The following EIF2AK4 variants were observed in gnomAD, a reference collection of about 807,000 sequenced individuals.
EIF2AK4 encodes the protein eukaryotic translation initiation factor 2 alpha kinase 4, also known as eIF-2-alpha kinase GCN2.
Under a neutral mutation model 211.1 loss-of-function variants are expected in EIF2AK4, and 139 were observed. The observed-to-expected ratio is 0.66, with a 90% CI of 0.57 to 0.76. The LOEUF is 0.76. Among genes scored for constraint, EIF2AK4 ranks in the 30% least tolerant of loss-of-function variants. The pLI is 0.00. For synonymous variants in EIF2AK4, 710 were observed against 751.3 expected, an observed-to-expected ratio of 0.94 and a Z score of 0.90; for missense variants, 1,664 against 2,043.8, an observed-to-expected ratio of 0.81 and a Z score of 3.58.
At chr15:40,020,573 C>T (rs1206655632) in intron 30 of EIF2AK4, 1 of 151,944 alleles carries the variant, frequency 6.6e-6, no homozygotes, top group African/African-American at 2.4e-5. Context: ...GCCTGTAATC[C>T]AGCTACTCTG....
chr15:39,937,740 G>C (rs1381963637), intron 1 of EIF2AK4, among the ~76,000 whole-genome samples: 2 of 150,610 alleles, frequency 1.3e-5, no homozygotes, highest in Admixed American at 1.3e-4. Flanking sequence ...TAAGTTCTTC[G>C]TTCCATCAAA....
chr15:40,007,834 G>C (rs545272994), intron 24 of EIF2AK4, among the ~76,000 whole-genome samples, 193 bp from the exon 25 acceptor site: 1 of 152,140 alleles, frequency 6.6e-6, no homozygotes, highest in South Asian at 2.1e-4. Flanking sequence ...TAGCTTAATA[G>C]TGGCAAAACT....
chr15:40,000,993 A>G lies in EIF2AK4; in HGVS notation c.2928A>G (p.Ser976=), dbSNP rs1216756860. 6.2e-7 allele frequency: 1 copy of G among 1,614,164 alleles called. No homozygotes were observed. The highest frequency in any genetic ancestry group is 1.1e-5 in the South Asian group (1 of 91,084). The change falls in exon 21 of 39, where the codon TCA becomes TCG. Residue 976 remains serine, a synonymous_variant. Coordinates refer to ENST00000263791, the MANE Select transcript of EIF2AK4 (RefSeq NM_001013703.4). ...GTGCCTGGGTTTTATTGTAGAAATC[A>G]GTCATCTCCTGGCTGTTGAACCACG... ...FDDGEHAKQK[S]VISWLLNHDP...
intron 32 of EIF2AK4, among the ~76,000 whole-genome samples, chr15:40,023,149 C>G (rs1487119030): frequency 6.6e-6 from 1 of 152,176 alleles, no homozygotes; most frequent in African/African-American, 2.4e-5. Flanking sequence ...CTTTTCTCCT[C>G]TTGTTCTCTT....
intron 18 of EIF2AK4, 56 bp from the exon 19 acceptor site, chr15:39,996,908 G>C (rs2035025373): frequency 8.1e-7 from 1 of 1,228,428 alleles, no homozygotes; most frequent in Non-Finnish European, 1.2e-6. Context: ...ATAATTCCCT[G>C]GTAAATTATA....
chr15:39,988,047 T>G lies in EIF2AK4; in HGVS notation c.2468T>G (p.Val823Gly), dbSNP rs377342428. 6.2e-6 allele frequency: 10 copies of G among 1,614,162 alleles called. No individual in the cohort carries two copies. The highest frequency in any genetic ancestry group is 7.6e-6 in the Non-Finnish European group (9 of 1,180,006). The change falls in exon 15 of 39, where the codon GTC becomes GGC. Residue 823 changes from valine to glycine, a missense_variant. Coordinates refer to ENST00000263791, the MANE Select transcript of EIF2AK4 (RefSeq NM_001013703.4). Reference protein sequence around the residue: ...TIDQGLYRDTVRLWRLFREIL... With the variant: ...TIDQGLYRDTGRLWRLFREIL... ...GACCAGGGACTGTATCGAGACACCGTCAGACTCTGGAGGCTTTTTCGAGAG... is the reference window on the plus strand; with the variant it reads ...GACCAGGGACTGTATCGAGACACCGGCAGACTCTGGAGGCTTTTTCGAGAG...
chr15:39,941,346 T>A (rs2034141856), intron 2 of EIF2AK4, among the ~76,000 whole-genome samples: 1 of 152,150 alleles, frequency 6.6e-6, no homozygotes, highest in Non-Finnish European at 1.5e-5. Context: ...TGACCAGAGT[T>A]CCCTCATGAG....
Position 39,976,602 on chromosome 15 carries a change from C to T in EIF2AK4, c.2007C>T (p.Pro669=), listed in dbSNP as rs764803773. 3.1e-6 allele frequency: 5 copies of T among 1,609,050 alleles called. No homozygotes were observed. In the South Asian group the frequency reaches 5.5e-5, roughly 18 times the overall value. Residue 669 remains proline, a synonymous_variant, in exon 12 of 39, where the codon CCC becomes CCT. Transcript: ENST00000263791. ...GGCCGGCGGGACCGGGGACGCCGCC[C>T]CCGGACTCCGGGCCCCTGGCCAAGG... is the stretch of plus-strand genomic sequence containing the variant. The part of the protein sequence containing the change: ...HERPAGPGTP[P]PDSGPLAKDD...
chr15:39,996,957 C>G lies in EIF2AK4; in HGVS notation c.2767-7C>G, dbSNP rs200315063. The G allele has an allele frequency of 2.2e-5, 35 of 1,587,720 alleles. No homozygotes were observed. Among genetic ancestry groups the G allele is most frequent in the Non-Finnish European group, 2.9e-5 (33 of 1,156,234 alleles). Reference sequence around the variant, plus strand: ...GCTCTCTAAATGCAATTATTCTTCCCCCTCAGAAAGTGGATCTCTTCAGCC... The same window carrying G: ...GCTCTCTAAATGCAATTATTCTTCCGCCTCAGAAAGTGGATCTCTTCAGCC... On this transcript the variant is annotated splice_region_variant and splice_polypyrimidine_tract_variant and intron_variant, in intron 18 of 38. Transcript: ENST00000263791.
At chr15:39,947,147 A>C (rs2034240160) in intron 3 of EIF2AK4, among the ~76,000 whole-genome samples, 1 of 152,190 alleles carries the variant, frequency 6.6e-6, no homozygotes. Context: ...GCACTGTGCA[A>C]ATCACTCTTC....
At chr15:39,964,526 A>G (rs1446991706) in intron 7 of EIF2AK4, among the ~76,000 whole-genome samples, 1 of 152,132 alleles carries the variant, frequency 6.6e-6, no homozygotes, top group African/African-American at 2.4e-5. Flanking sequence ...CCTACAGTGC[A>G]CAAAACAGCT....
intron 2 of EIF2AK4, among the ~76,000 whole-genome samples, chr15:39,940,707 A>G (rs1595539927): frequency 1.3e-5 from 2 of 152,182 alleles, no homozygotes; most frequent in South Asian, 4.1e-4. Context: ...TCCTGACACC[A>G]AATACATGAT....
At position 39,967,750 on chromosome 15, in the gene EIF2AK4, C is replaced by T. The variant is rs750136639; in HGVS notation, c.1424C>T (p.Thr475Met). 35 of 1,614,012 alleles carry T rather than the reference C, an allele frequency of 2.2e-5. No individual in the cohort carries two copies. The highest frequency in any genetic ancestry group is 2.0e-4 in the Admixed American group (12 of 59,994). ...AGTGACAATGCTCTGCCTTATAAAA[C>T]GGGGAAGAAAGGAGATGTTTGGCGT... The part of the protein sequence containing the change: ...RFSDNALPYK[T>M]GKKGDVWRLG... The change falls in exon 9 of 39, where the codon ACG (threonine) becomes ATG (methionine). Residue 475 changes from threonine (T) to methionine (M), a missense_variant. Around this residue, in one of 7 missense-constraint regions of EIF2AK4, gnomAD observed 641 missense variants for 729.6 expected, o/e 0.88. Transcript: ENST00000263791.
At chr15:39,951,163 T>C (rs967739850) in intron 4 of EIF2AK4, among the ~76,000 whole-genome samples, 1 of 152,126 alleles carries the variant, frequency 6.6e-6, no homozygotes, top group African/African-American at 2.4e-5. Context: ...AAATTTCCCA[T>C]CATAGTGGAT....
chr15:39,969,723 T>C (rs952737958), intron 9 of EIF2AK4, among the ~76,000 whole-genome samples: 1 of 152,190 alleles, frequency 6.6e-6, no homozygotes, highest in Non-Finnish European at 1.5e-5. Flanking sequence ...CTGGAGTGGT[T>C]TGATAGACTG....
At chr15:39,986,627 G>A (rs1317537792) in intron 14 of EIF2AK4, among the ~76,000 whole-genome samples, 1 of 152,262 alleles carries the variant, frequency 6.6e-6, no homozygotes, top group African/African-American at 2.4e-5. Context: ...GCCGAGGCGG[G>A]TGGATCACCT....
intron 13 of EIF2AK4, among the ~76,000 whole-genome samples, chr15:39,984,473 C>T (rs1310968216): frequency 1.3e-5 from 2 of 152,150 alleles, no homozygotes; most frequent in Non-Finnish European, 2.9e-5. Flanking sequence ...ATTGTTTCTT[C>T]CTATCCATGA....
At chr15:40,018,111 G>A (rs867159444) in intron 29 of EIF2AK4, among the ~76,000 whole-genome samples, 4 of 151,938 alleles carry the variant, frequency 2.6e-5, no homozygotes, top group African/African-American at 4.8e-5. Context: ...CTAATACATT[G>A]AGATCCACAT....
intron 9 of EIF2AK4, among the ~76,000 whole-genome samples, chr15:39,971,497 C>T (rs994066730): frequency 3.2e-4 from 49 of 152,248 alleles, no homozygotes; most frequent in African/African-American, 1.1e-3. Context: ...TGCCACTGCA[C>T]TCCAGCCTGG....
Sources: allele counts gnomAD v4.1 joint callset (sites outside exome capture counted in the v4.1 genomes callset), GRCh38; gene constraint gnomAD v4.1.1; regional missense constraint gnomAD v4.1.1; transcripts MANE v1.5; gene names NCBI Gene and HGNC (gene_info 2026-07-23, HGNC 2026-07-21).